The following NRIP3 variants were observed in gnomAD, a reference collection of about 807,000 sequenced individuals.
NRIP3 encodes nuclear receptor-interacting protein 3.
A neutral mutation model predicts 29.0 loss-of-function variants in NRIP3; 31 were observed. The ratio of observed to expected loss-of-function variants is 1.07; its 90% CI spans 0.80 to 1.44. The LOEUF (loss-of-function observed/expected upper bound fraction) is 1.44. Ranked by LOEUF, NRIP3 falls within the 40% of genes most tolerant of loss-of-function variation. The probability of loss-of-function intolerance (pLI) is 0.00; values close to 1 mark genes in which losing one functional copy is unlikely to be tolerated. For missense variants in NRIP3, 314 were observed against 297.9 expected (o/e 1.05, Z -0.40); for synonymous variants, 131 against 118.3 (o/e 1.11, Z -0.70).
At chr11:9,003,156 C>G (rs1336595625) in intron 1 of NRIP3, among the ~76,000 whole-genome samples, 4 of 152,164 alleles carry the variant, frequency 2.6e-5, no homozygotes, top group Non-Finnish European at 5.9e-5. Flanking sequence ...GGGGGCGGGG[C>G]TGGAAGAGGA....
chr11:8,998,625 T>A (rs778732908), intron 1 of NRIP3, among the ~76,000 whole-genome samples: 8 of 152,114 alleles, frequency 5.3e-5, no homozygotes, highest in African/African-American at 9.7e-5. Flanking sequence ...AGAAATCACT[T>A]CTTCCGCTGG....
intron 2 of NRIP3, 102 bp from the exon 3 acceptor site, chr11:8,987,732 G>C: frequency 1.1e-6 from 1 of 889,936 alleles, no homozygotes; most frequent in South Asian, 1.3e-5. Flanking sequence ...CAGGGTTGGA[G>C]AGCATCCTCC....
rs12363370 is a variant in NRIP3, at chr11:8,984,266, T to A, written c.563-142A>T. 7.2e-3 allele frequency: 4,365 copies of A among 602,564 alleles called. 24 individuals are homozygous for A. Among genetic ancestry groups the A allele is most frequent in the Non-Finnish European group, 9.0e-3 (3,106 of 346,946 alleles). 37.3% of individuals were successfully genotyped at this position (602,564 alleles called of 1,614,324 possible). On this transcript the variant is annotated intron_variant, in intron 4 of 6. Transcript: ENST00000309166. ...AGCATGTGTTATTTTTTTTTTATTT[T>A]TTTTTTATTTTTTGAGATGGAGTTT...
chr11:8,983,621 G>A (rs1809938140), intron 6 of NRIP3, 61 bp from the exon 7 acceptor site: 20 of 1,540,378 alleles, frequency 1.3e-5, no homozygotes, highest in Non-Finnish European at 1.6e-5. Flanking sequence ...TTAAGCTGAA[G>A]GCAAGTAAAA....
chr11:8,984,248 G>C (rs1443983469), intron 4 of NRIP3, 124 bp from the exon 5 acceptor site: 2 of 621,646 alleles, frequency 3.2e-6, no homozygotes, highest in Admixed American at 2.9e-5. Context: ...TTGAGCATGT[G>C]TTATTTTTTT....
Sources: gnomAD v4.1 joint callset for allele counts (sites outside exome capture counted in the v4.1 genomes callset) on GRCh38, gnomAD v4.1.1 for gene constraint, MANE v1.5 for transcripts, NCBI Gene and HGNC (gene_info 2026-07-23, HGNC 2026-07-21) for gene names.